MYCBP2: variants seen among roughly 807,000 people sequenced by gnomAD.
The protein encoded by MYCBP2 is E3 ubiquitin-protein ligase MYCBP2.
MYCBP2 carries 120 observed loss-of-function variants against 525.3 expected under a neutral mutation model. That is an observed-to-expected ratio of 0.23 (90% CI 0.20 to 0.27). MYCBP2 has a LOEUF of 0.27. Among genes scored for constraint, MYCBP2 ranks in the 10% least tolerant of loss-of-function variants. The pLI, the probability that MYCBP2 is intolerant of heterozygous loss-of-function variation, is 1.00. For missense variants in MYCBP2, 4,149 were observed against 5,657.1 expected, an observed-to-expected ratio of 0.73 and a Z score of 8.55; for synonymous variants, 1,894 against 1,955.8, an observed-to-expected ratio of 0.97 and a Z score of 0.83.
Position 77,097,997 on chromosome 13 carries a change from A to T in MYCBP2, c.9157T>A (p.Ser3053Thr). The T allele has an allele frequency of 1.9e-6, 3 of 1,613,696 alleles. No individual in the cohort carries two copies. Among genetic ancestry groups the T allele is most frequent in the Non-Finnish European group, 2.5e-6 (3 of 1,179,808 alleles). ...AGTTCAGGATGAAACTTTAGGAAAG[A>T]AGAACAAGCCATTGCATCATGTACT... ...GIVHDAMACS[S>T]FLKFHPELSK... The change falls in exon 56 of 83, where the codon TCT becomes ACT. Residue 3053 changes from serine to threonine, a missense_variant. Ser to Thr is a moderately conservative substitution (Grantham distance 58). Transcript: ENST00000544440.
chr13:77,160,272 C>T lies in MYCBP2; in HGVS notation c.6597+1634G>A, dbSNP rs115952728. ...CTTTTGTCACCAAACTGCCAGCGAA[C>T]AAATCCCAGTGCAGTTGCTCACTAG... On this transcript the variant is annotated intron_variant, in intron 44 of 82. Coordinates refer to ENST00000544440, the MANE Select transcript of MYCBP2 (RefSeq NM_015057.5). 9.3e-3 allele frequency among the ~76,000 whole-genome samples: 1,421 copies of T among 152,256 alleles called. 22 individuals carry two copies. The highest frequency in any genetic ancestry group is 0.032 in the African/African-American group (1,327 of 41,556).
At chr13:77,211,870 T>C in intron 22 of MYCBP2, 86 bp downstream of exon 22, 2 of 1,089,644 alleles carry the variant, frequency 1.8e-6, no homozygotes, top group Non-Finnish European at 2.7e-6. Context: ...GCTACAAAAG[T>C]ACATTTCATT....
chr13:77,194,310 C>A, intron 26 of MYCBP2, 66 bp from the exon 27 acceptor site: 1 of 1,228,978 alleles, frequency 8.1e-7, no homozygotes, highest in South Asian at 1.2e-5. Context: ...ACAATGTGTT[C>A]ATAATTTTGT....
Position 77,206,776 on chromosome 13 carries a change from C to T in MYCBP2, c.3466G>A (p.Asp1156Asn). The stretch of plus-strand genomic sequence containing the variant: ...TCTGCTGCAGAGGGAAGCCTGGCAT[C>T]AGCAACCACCGCATTGTAACACCAC... ...ELWCYNAVVA[D>N]ARLPSAADMQ... is the part of the protein sequence containing the mutation. Residue 1156 changes from aspartate to asparagine, a missense_variant, in exon 24 of 83, where the codon GAT becomes AAT. Physicochemically the swap from Asp to Asn is conservative, Grantham distance 23 (BLOSUM62 1). This residue lies in a region of MYCBP2 where 620 missense variants were observed against 795.5 expected (regional missense o/e 0.78). Coordinates refer to ENST00000544440, the MANE Select transcript of MYCBP2 (RefSeq NM_015057.5). 6.2e-7 allele frequency: 1 copy of T among 1,611,060 alleles called. No individual in the cohort carries two copies. The highest frequency in any genetic ancestry group is 8.5e-7 in the Non-Finnish European group (1 of 1,178,138).
At chr13:77,217,021 T>C (rs1383957210) in intron 21 of MYCBP2, among the ~76,000 whole-genome samples, 1 of 152,174 alleles carries the variant, frequency 6.6e-6, no homozygotes, top group African/African-American at 2.4e-5. Flanking sequence ...ATAAAGCAAA[T>C]GCTGGATCAA....
intron 26 of MYCBP2, among the ~76,000 whole-genome samples, chr13:77,194,616 T>C (rs931383633): frequency 6.6e-6 from 1 of 152,114 alleles, no homozygotes; most frequent in South Asian, 2.1e-4. Flanking sequence ...TCATTCTAAA[T>C]GAGGTAGAAT....
At chr13:77,289,736 G>A (rs187866658) in intron 2 of MYCBP2, among the ~76,000 whole-genome samples, 2 of 152,042 alleles carry the variant, frequency 1.3e-5, no homozygotes, top group East Asian at 3.9e-4. Context: ...AAGGCAAGAA[G>A]TATTTTCTAA....
chr13:77,059,548 C>T lies in MYCBP2; in HGVS notation c.13115G>A (p.Ser4372Asn). 1 of 1,614,030 alleles carries T rather than the reference C, an allele frequency of 6.2e-7. No homozygotes were observed. The highest frequency in any genetic ancestry group is 8.5e-7 in the Non-Finnish European group (1 of 1,179,902). Residue 4372 changes from serine to asparagine, a missense_variant, in exon 77 of 83, where the codon AGT becomes AAT. Coordinates refer to ENST00000544440, the MANE Select transcript of MYCBP2 (RefSeq NM_015057.5). ...CTGGCAATCTGCATCAGAACAAACA[C>T]TGCCAACAGCAGATAACTCTGTTCC... is the stretch of plus-strand genomic sequence containing the variant. ...RSGTELSAVG[S>N]VCSDADCQEY...
intron 3 of MYCBP2, among the ~76,000 whole-genome samples, chr13:77,279,285 T>C (rs1357742379): frequency 2.0e-5 from 3 of 152,192 alleles, no homozygotes; most frequent in Admixed American, 2.0e-4. Flanking sequence ...ATCACTATAT[T>C]ATTATTTATA....
chr13:77,298,305 G>C (rs1034431230), intron 1 of MYCBP2, among the ~76,000 whole-genome samples: 41 of 152,192 alleles, frequency 2.7e-4, no homozygotes, highest in African/African-American at 9.4e-4. Flanking sequence ...TGTCACTTAA[G>C]TCTAACTCCC....
chr13:77,270,480 A>G lies in MYCBP2; in HGVS notation c.1004T>C (p.Ile335Thr). ...ATTACTAAACCAGTCCTGAATTTGA[A>G]TTTTTCCCACCAAAACTGCTTGTAC... ...RSVQAVLVGK[I>T]QIQDWFSNGI... Residue 335 changes from isoleucine to threonine, a missense_variant, in exon 6 of 83, where the codon ATT becomes ACT. Physicochemically the swap from Ile to Thr is moderately conservative, Grantham distance 89. Coordinates refer to ENST00000544440, the MANE Select transcript of MYCBP2 (RefSeq NM_015057.5). 1.9e-6 allele frequency: 3 copies of G among 1,613,710 alleles called. No homozygotes were observed. The highest frequency in any genetic ancestry group is 2.5e-6 in the Non-Finnish European group (3 of 1,179,782).
At chr13:77,199,681 A>G (rs1441817103) in intron 26 of MYCBP2, among the ~76,000 whole-genome samples, 7 of 152,228 alleles carry the variant, frequency 4.6e-5, no homozygotes, top group Non-Finnish European at 7.4e-5. Context: ...CTCCCAGCAC[A>G]CAGCTGGAGA....
At chr13:77,089,301 A>T (rs956081051) in intron 60 of MYCBP2, among the ~76,000 whole-genome samples, 5 of 152,144 alleles carry the variant, frequency 3.3e-5, no homozygotes, top group Non-Finnish European at 7.4e-5. Context: ...TCTAAAAGCT[A>T]AGTGATTTAT....
intron 80 of MYCBP2, among the ~76,000 whole-genome samples, chr13:77,055,132 TAA>T (rs11346823): frequency 7.3e-5 from 8 of 109,418 alleles, no homozygotes; most frequent in Non-Finnish European, 9.5e-5. Context: ...AGGGGTAGGT[TAA>T]AAAAAAAAAA....
chr13:77,205,341 G>C lies in MYCBP2; in HGVS notation c.3758C>G (p.Ala1253Gly). 1.9e-6 allele frequency: 3 copies of C among 1,613,782 alleles called. No homozygotes were observed. Among genetic ancestry groups the C allele is most frequent in the Non-Finnish European group, 2.5e-6 (3 of 1,179,830 alleles). The change falls in exon 26 of 83, where the codon GCT (alanine) becomes GGT (glycine). Residue 1253 changes from alanine (A) to glycine (G), a missense_variant. Ala to Gly is a moderately conservative substitution (Grantham distance 60). Around this residue, in one of 21 missense-constraint regions of MYCBP2, gnomAD observed 620 missense variants for 795.5 expected, o/e 0.78. Coordinates refer to ENST00000544440, the MANE Select transcript of MYCBP2 (RefSeq NM_015057.5). ...GWGYSAHSVE[A>G]IRFSADTDIL... ...ATCAGTGTCGGCACTGAAACGTATA[G>C]CTTCTACTGAATGGGCAGAATAACC...
At chr13:77,210,620 A>AT in intron 23 of MYCBP2, among the ~76,000 whole-genome samples, 1 of 152,266 alleles carries the variant, frequency 6.6e-6, no homozygotes, top group African/African-American at 2.4e-5. Flanking sequence ...CAGTAAGAGT[A>AT]TTTTTTAATG....
chr13:77,225,446 A>C lies in MYCBP2; in HGVS notation c.2846T>G (p.Phe949Cys). Residue 949 changes from phenylalanine to cysteine, a missense_variant, in exon 19 of 83, where the codon TTT becomes TGT. Phe to Cys is a radical substitution (Grantham distance 205). Transcript: ENST00000544440. Reference protein sequence around the residue: ...ELRAVQVSCGFHHSVVLMENG... With the variant: ...ELRAVQVSCGCHHSVVLMENG... ...GTTCCAGCCGCTACCTGAATGGTGA[A>C]ATCCACAGCTGACTTGGACTGCCCG... 6.2e-7 allele frequency: 1 copy of C among 1,613,624 alleles called. No homozygotes were observed. The highest frequency in any genetic ancestry group is 8.5e-7 in the Non-Finnish European group (1 of 1,179,684).
rs2045716035 is a variant in MYCBP2 at position 77,093,197 on chromosome 13, CTCTTCAAATACA to C, written c.10323_10334del (p.Asn3441_Glu3445delinsLys). On this transcript the variant is annotated inframe_deletion, in exon 59 of 83. Coordinates refer to ENST00000544440, the MANE Select transcript of MYCBP2 (RefSeq NM_015057.5). ...GCATAGACTTCATATTGCTCTCTGG[CTCTTCAAATACA>C]TTAGGACTTGCATCAGGAGTTACTG... The C allele has an allele frequency of 6.2e-7, 1 of 1,612,310 alleles. No individual in the cohort carries two copies. Among genetic ancestry groups the C allele is most frequent in the Non-Finnish European group, 8.5e-7 (1 of 1,179,162 alleles).
At position 77,154,353 on chromosome 13, in the gene MYCBP2, G is replaced by A. The variant is rs570851076; in HGVS notation, c.6915+1705C>T. Among the ~76,000 whole-genome samples the A allele has an allele frequency of 2.7e-5, 4 of 149,614 alleles. No individual in the cohort carries two copies. The South Asian group carries it at 8.4e-4, about 31-fold the overall frequency. On this transcript the variant is annotated intron_variant, in intron 46 of 82. Coordinates refer to ENST00000544440, the MANE Select transcript of MYCBP2 (RefSeq NM_015057.5). ...AAGCAAATATATGGAGGAGAAAGAA[G>A]AGGAAGAAAAGAAGGAAAAAGGAGA...
Sources: gnomAD v4.1 joint callset for allele counts (sites outside exome capture counted in the v4.1 genomes callset) on GRCh38, gnomAD v4.1.1 for gene constraint, gnomAD v4.1.1 regional missense constraint, MANE v1.5 for transcripts, NCBI Gene and HGNC (gene_info 2026-07-23, HGNC 2026-07-21) for gene names.